The following CORO2B variants were observed in gnomAD, a reference collection of about 807,000 sequenced individuals.
CORO2B encodes coronin 2B.
Under a neutral mutation model 58.8 loss-of-function variants are expected in CORO2B, and 26 were observed. The ratio of observed to expected loss-of-function variants is 0.44; its 90% CI spans 0.32 to 0.61. CORO2B has a LOEUF of 0.61. Ranked by LOEUF, CORO2B falls within the 20% of genes least tolerant of loss-of-function variation. The pLI, the probability that CORO2B is intolerant of heterozygous loss-of-function variation, is 0.04. For missense variants in CORO2B, 460 were observed against 645.1 expected, an observed-to-expected ratio of 0.71 and a Z score of 3.11; for synonymous variants, 242 against 253.8, an observed-to-expected ratio of 0.95 and a Z score of 0.44.
intron 1 of CORO2B, among the ~76,000 whole-genome samples, chr15:68,585,975 G>T (rs1014188054): frequency 6.6e-6 from 1 of 152,180 alleles, no homozygotes; most frequent in Non-Finnish European, 1.5e-5. Flanking sequence ...CAGGTCCCTG[G>T]TCCAGGCCTG....
chr15:68,575,583 G>C (rs11072036), upstream of CORO2B, among the ~76,000 whole-genome samples: 51,140 of 55,230 alleles, frequency 0.93, 24,240 homozygotes, highest in Middle Eastern at 0.99. Flanking sequence ...ATCTGCCCCC[G>C]CCTCGGCCTC....
upstream of CORO2B, among the ~76,000 whole-genome samples, chr15:68,575,582 C>CCCCCCA (rs1566975519): frequency 1.0e-5 from 1 of 96,738 alleles, no homozygotes; most frequent in South Asian, 5.4e-4. Context: ...GATCTGCCCC[C>CCCCCCA]GCCTCGGCCT....
the CORO2B span, among the ~76,000 whole-genome samples, chr15:68,546,744 G>T: frequency 1.3e-5 from 2 of 152,158 alleles, no homozygotes; most frequent in Non-Finnish European, 2.9e-5. Flanking sequence ...CCTTCTACCT[G>T]CCCCCTTCTT....
At chr15:68,684,591 C>T (rs1902901535) in intron 2 of CORO2B, among the ~76,000 whole-genome samples, 1 of 152,258 alleles carries the variant, frequency 6.6e-6, no homozygotes, top group Non-Finnish European at 1.5e-5. Flanking sequence ...GCAGGCAGCA[C>T]TTTGGATGAA....
chr15:68,662,811 GTA>G (rs1173701070), intron 2 of CORO2B, among the ~76,000 whole-genome samples: 2 of 152,132 alleles, frequency 1.3e-5, no homozygotes, highest in Non-Finnish European at 2.9e-5. Flanking sequence ...GAAAGTGTGT[GTA>G]TGTTTTGATA....
chr15:68,590,600 TCCTCCC>T (rs1186066552), intron 1 of CORO2B, among the ~76,000 whole-genome samples: 5 of 152,090 alleles, frequency 3.3e-5, no homozygotes, highest in Non-Finnish European at 5.9e-5. Context: ...GTTTAGAAGG[TCCTCCC>T]CTACCACTTC....
upstream of CORO2B, among the ~76,000 whole-genome samples, chr15:68,576,172 A>G (rs1232162865): frequency 6.8e-6 from 1 of 147,140 alleles, no homozygotes; most frequent in Non-Finnish European, 1.5e-5. Flanking sequence ...AAAAAAAAAA[A>G]AAAAGAAAGA....
intron 3 of CORO2B, among the ~76,000 whole-genome samples, chr15:68,697,175 T>C (rs1201218056): frequency 8.6e-5 from 13 of 151,586 alleles, no homozygotes; most frequent in Admixed American, 2.6e-4. Context: ...GATGGATAGA[T>C]GGATGGATGG....
chr15:68,660,793 C>T (rs965903469), intron 2 of CORO2B, among the ~76,000 whole-genome samples: 10 of 152,138 alleles, frequency 6.6e-5, no homozygotes, highest in South Asian at 6.2e-4. Flanking sequence ...ATCTGGACAC[C>T]GTTTTCTCCA....
chr15:68,572,235 G>A, the CORO2B span, among the ~76,000 whole-genome samples: 1 of 152,218 alleles, frequency 6.6e-6, no homozygotes, highest in Non-Finnish European at 1.5e-5. Context: ...AGAGGGAAGA[G>A]TGCAGGAAGT....
At chr15:68,546,227 C>T in the CORO2B span, among the ~76,000 whole-genome samples, 12 of 152,166 alleles carry the variant, frequency 7.9e-5, 1 homozygote, top group South Asian at 2.1e-4. Context: ...ATTTTGCAAA[C>T]GAAGAAGTTC....
At chr15:68,632,065 G>C (rs1900851724) in intron 1 of CORO2B, 1 of 985,362 alleles carries the variant, frequency 1.0e-6, no homozygotes, top group African/African-American at 1.7e-5. Flanking sequence ...AGGCTCCCAG[G>C]CCTCTCAGAT....
At chr15:68,639,716 A>T (rs752938703) in intron 1 of CORO2B, among the ~76,000 whole-genome samples, 12 of 152,246 alleles carry the variant, frequency 7.9e-5, no homozygotes, top group Admixed American at 3.9e-4. Context: ...CTACCTATCA[A>T]GGTAGCTTCT....
At chr15:68,608,262 G>A (rs1900170108) in intron 1 of CORO2B, among the ~76,000 whole-genome samples, 1 of 152,244 alleles carries the variant, frequency 6.6e-6, no homozygotes, top group African/African-American at 2.4e-5. Context: ...CATGATCAGG[G>A]CTTGGCCTCC....
chr15:68,586,585 C>G (rs755220802), intron 1 of CORO2B, among the ~76,000 whole-genome samples: 49 of 152,324 alleles, frequency 3.2e-4, no homozygotes, highest in Non-Finnish European at 4.3e-4. Flanking sequence ...GCATAGGTTA[C>G]TGTTATCATC....
rs184550120 is a variant in CORO2B at position 68,652,828 on chromosome 15, G to A, written c.216+7468G>A. Among the ~76,000 whole-genome samples, 3 of 152,368 alleles carry A rather than the reference G, an allele frequency of 2.0e-5. No individual in the cohort carries two copies. In the East Asian group the frequency reaches 5.8e-4, roughly 29 times the overall value. The stretch of plus-strand genomic sequence containing the variant: ...GCACGGCCCACAAGTAGCAGAGTCA[G>A]AATTTAGCCCAGGGCTCTCCCAGTC... On this transcript the variant is annotated intron_variant, in intron 2 of 11. Coordinates refer to ENST00000261861, the MANE Select transcript of CORO2B (RefSeq NM_006091.5).
rs888105344 is a variant in CORO2B, at chr15:68,726,779, G to A, written c.*805G>A. The A allele has an allele frequency of 1.3e-5, 2 of 152,218 alleles. No individual in the cohort carries two copies. Among genetic ancestry groups the A allele is most frequent in the African/African-American group, 4.8e-5 (2 of 41,440 alleles). 9.4% of individuals were successfully genotyped at this position (152,218 alleles called of 1,614,324 possible). A position where few individuals can be genotyped will look rare whatever the true frequency, so the allele number is the denominator to read the frequency against. ...CAATGGGCCCACGACCAAGACCCTG[G>A]GTGTTCAGACCCCAAGGCCAGGGCC... On this transcript the variant is annotated 3_prime_UTR_variant, in exon 12 of 12. Coordinates refer to ENST00000261861, the MANE Select transcript of CORO2B (RefSeq NM_006091.5).
chr15:68,658,313 C>T (rs11634534), intron 2 of CORO2B, among the ~76,000 whole-genome samples: 55,290 of 131,320 alleles, frequency 0.42, 11,227 homozygotes, highest in Non-Finnish European at 0.49. Context: ...AGGAGGAGGG[C>T]GAGATGCATG....
intron 2 of CORO2B, among the ~76,000 whole-genome samples, chr15:68,688,936 C>T (rs1892290104): frequency 6.6e-6 from 1 of 151,888 alleles, no homozygotes; most frequent in East Asian, 2.0e-4. Context: ...TGCCCTCCTC[C>T]TGGGGCTGGG....
Sources: gnomAD v4.1 joint callset for allele counts (sites outside exome capture counted in the v4.1 genomes callset) on GRCh38, gnomAD v4.1.1 for gene constraint, MANE v1.5 for transcripts, NCBI Gene and HGNC (gene_info 2026-07-23, HGNC 2026-07-21) for gene names.